TEX35: variants seen among roughly 807,000 people sequenced by gnomAD.
The protein encoded by TEX35 is testis-expressed protein 35.
Under a neutral mutation model 31.9 loss-of-function variants are expected in TEX35, and 26 were observed. The ratio of observed to expected loss-of-function variants is 0.81; its 90% CI spans 0.60 to 1.13. TEX35 has a LOEUF of 1.13. TEX35 is among the 50% of genes most tolerant of loss of function. The pLI is 0.00. For missense variants in TEX35, 278 were observed against 273.5 expected (o/e 1.02, Z -0.12); for synonymous variants, 87 against 90.7 (o/e 0.96, Z 0.23).
At chr1:178,519,629 C>T (rs1650196337) in intron 5 of TEX35, among the ~76,000 whole-genome samples, 1 of 152,140 alleles carries the variant, frequency 6.6e-6, no homozygotes, top group Admixed American at 6.5e-5. Flanking sequence ...TTCTATAGTA[C>T]ATCAATTAAA....
Position 178,514,725 on chromosome 1 carries a change from A to C in TEX35, c.116A>C (p.Gln39Pro). Residue 39 changes from glutamine to proline, a missense_variant, in exon 3 of 9, where the codon CAA (glutamine) becomes CCA (proline). Physicochemically the swap from Gln to Pro is moderately conservative, Grantham distance 76. Coordinates refer to ENST00000319416, the MANE Select transcript of TEX35 (RefSeq NM_032126.5). ...ACATTTGATTACAAAGCAGTTAAAC[A>C]AGAAGGGCGGTTTACCAAAGCAGGA... Reference protein sequence around the residue: ...TKTFDYKAVKQEGRFTKAGVT... With the variant: ...TKTFDYKAVKPEGRFTKAGVT... The C allele has an allele frequency of 6.2e-7, 1 of 1,614,020 alleles. No homozygotes were observed. The highest frequency in any genetic ancestry group is 8.5e-7 in the Non-Finnish European group (1 of 1,179,956).
intron 8 of TEX35, 175 bp downstream of exon 8, chr1:178,521,439 A>T: frequency 9.8e-7 from 1 of 1,020,128 alleles, no homozygotes; most frequent in Non-Finnish European, 1.5e-6. Flanking sequence ...TGGCACCAGG[A>T]AGGAGGACTT....
intron 5 of TEX35, among the ~76,000 whole-genome samples, chr1:178,517,439 G>A (rs897598147): frequency 6.6e-6 from 1 of 152,202 alleles, no homozygotes; most frequent in Non-Finnish European, 1.5e-5. Flanking sequence ...TTTAGATTCA[G>A]ATGCTTGCCT....
At chr1:178,521,626 T>C in intron 8 of TEX35, 3 of 1,552,332 alleles carry the variant, frequency 1.9e-6, no homozygotes, top group Non-Finnish European at 2.6e-6. Context: ...TTCTGATTTA[T>C]CTGTACCTCA....
In TEX35 at chr1:178,519,421, A is replaced by G. The variant is rs1213244275; in HGVS notation, c.277-951A>G. Among the ~76,000 whole-genome samples, 7 of 152,318 alleles carry G rather than the reference A, an allele frequency of 4.6e-5. No homozygotes were observed. In the East Asian group the frequency reaches 1.4e-3, roughly 29 times the overall value. Reference sequence around the variant, plus strand: ...TGGAACATGATGATTTTGAAGGGGTACATGTTGGTGAAACGTGTAAGAATA... The same window carrying G: ...TGGAACATGATGATTTTGAAGGGGTGCATGTTGGTGAAACGTGTAAGAATA... On this transcript the variant is annotated intron_variant, in intron 5 of 8. Coordinates refer to ENST00000319416, the MANE Select transcript of TEX35 (RefSeq NM_032126.5).
At position 178,520,418 on chromosome 1, in the gene TEX35, C is replaced by T. The variant is rs758448375; in HGVS notation, c.323C>T (p.Thr108Ile). Residue 108 changes from threonine to isoleucine, a missense_variant, in exon 6 of 9, where the codon ACA (threonine) becomes ATA (isoleucine). Physicochemically the swap from Thr to Ile is moderately conservative, Grantham distance 89. Coordinates refer to ENST00000319416, the MANE Select transcript of TEX35 (RefSeq NM_032126.5). Reference protein sequence around the residue: ...MDEKMDILINTQKNYKLPLRR... With the variant: ...MDEKMDILINIQKNYKLPLRR... Reference sequence around the variant, plus strand: ...GAGAAGATGGACATTTTAATAAATACACAGAAGAACTATAAGCTGTAAGTG... The same window carrying T: ...GAGAAGATGGACATTTTAATAAATATACAGAAGAACTATAAGCTGTAAGTG... 6.2e-6 allele frequency: 10 copies of T among 1,614,038 alleles called. No individual in the cohort carries two copies. The highest frequency in any genetic ancestry group is 8.5e-6 in the Non-Finnish European group (10 of 1,179,986).
chr1:178,514,258 A>C, intron 2 of TEX35, 181 bp downstream of exon 2: 1 of 1,513,826 alleles, frequency 6.6e-7, no homozygotes, highest in Middle Eastern at 1.7e-4. Flanking sequence ...ACATAAACGA[A>C]CAAGGACTCA....
At chr1:178,521,182 G>A in intron 7 of TEX35, 40 bp from the exon 8 acceptor site, 1 of 1,614,142 alleles carries the variant, frequency 6.2e-7, no homozygotes, top group Non-Finnish European at 8.5e-7. Flanking sequence ...CTTGGACCAG[G>A]GGAAATTGAT....
chr1:178,513,112 C>T lies in TEX35; in HGVS notation c.-77C>T. 8 of 1,506,064 alleles carry T rather than the reference C, an allele frequency of 5.3e-6. No homozygotes were observed. Among genetic ancestry groups the T allele is most frequent in the Non-Finnish European group, 7.4e-6 (8 of 1,083,204 alleles). The allele number at this position is 1,506,064 out of a possible 1,614,324, so 93.3% of individuals were successfully genotyped here. On this transcript the variant is annotated 5_prime_UTR_variant, in exon 1 of 9. Transcript: ENST00000319416. ...GTGGTCACCCTGCCCTCACCTTGAC[C>T]TGTAAGTTGCCTAGGACAGTGGCCT...
intron 1 of TEX35, 57 bp from the exon 2 acceptor site, chr1:178,513,970 T>C: frequency 1.9e-6 from 3 of 1,593,990 alleles, no homozygotes; most frequent in Non-Finnish European, 2.6e-6. Context: ...GGGCCAGATG[T>C]TCTCCTCCCC....
At chr1:178,513,398 T>G in intron 1 of TEX35, 171 bp downstream of exon 1, 1 of 905,432 alleles carries the variant, frequency 1.1e-6, no homozygotes, top group Non-Finnish European at 1.7e-6. Flanking sequence ...GATTAATCCC[T>G]AGCCTTGGGG....
At chr1:178,519,293 G>A (rs547521598) in intron 5 of TEX35, among the ~76,000 whole-genome samples, 13 of 152,294 alleles carry the variant, frequency 8.5e-5, no homozygotes, top group South Asian at 6.2e-4. Flanking sequence ...AGAGGCAAGC[G>A]TCCGTGATGA....
intron 1 of TEX35, 100 bp downstream of exon 1, chr1:178,513,327 C>A: frequency 6.8e-7 from 1 of 1,464,320 alleles, no homozygotes; most frequent in Non-Finnish European, 9.4e-7. Flanking sequence ...TCGCATGAAT[C>A]TCTGGTTTTT....
chr1:178,519,142 G>T (rs555326089), intron 5 of TEX35, among the ~76,000 whole-genome samples: 1 of 152,270 alleles, frequency 6.6e-6, no homozygotes, highest in African/African-American at 2.4e-5. Context: ...GGGGCCCAGG[G>T]AGCAGGTGGA....
rs753233773 is a variant in TEX35, at chr1:178,516,660, G to C, written c.262G>C (p.Val88Leu). The change falls in exon 5 of 9, where the codon GTG (valine) becomes CTG (leucine). Residue 88 changes from valine (V) to leucine (L), a missense_variant. By Grantham distance (32) the Val-to-Leu change is conservative (BLOSUM62 1). Transcript: ENST00000319416. ...GGATTTTGATAAACTTCACGAATTTGTGGAAATTATGAAGGTAAGCATTAC... is the reference window on the plus strand; with the variant it reads ...GGATTTTGATAAACTTCACGAATTTCTGGAAATTATGAAGGTAAGCATTAC... ...DKDFDKLHEF[V>L]EIMKEMQKDM... 3 of 1,612,226 alleles carry C rather than the reference G, an allele frequency of 1.9e-6. No homozygotes were observed. In the Admixed American group the frequency reaches 5.0e-5, roughly 27 times the overall value.
chr1:178,521,304 G>T (rs367935438), intron 8 of TEX35, 40 bp downstream of exon 8: 10 of 1,611,270 alleles, frequency 6.2e-6, no homozygotes, highest in South Asian at 1.1e-5. Context: ...TCTCGATCAG[G>T]TGCCTTGTTG....
chr1:178,521,495 G>A (rs1354826209), intron 8 of TEX35: 3 of 1,081,060 alleles, frequency 2.8e-6, no homozygotes, highest in Admixed American at 2.0e-5. Flanking sequence ...CCATGGTGGG[G>A]AGGGTGCACC....
chr1:178,522,351 C>A lies in TEX35; in HGVS notation c.613C>A (p.Leu205Ile), dbSNP rs1650317712. The change falls in exon 9 of 9, where the codon CTT (leucine) becomes ATT (isoleucine). Residue 205 changes from leucine (L) to isoleucine (I), a missense_variant. Leu to Ile is a conservative substitution (Grantham distance 5, BLOSUM62 2). Transcript: ENST00000319416. ...RGNIPSEASG[L>I]YKGGEEPVTT... ...GAACATTCCTTCAGAGGCCTCAGGC[C>A]TTTACAAAGGTGGAGAGGAGCCAGT... 1 of 1,604,284 alleles carries A rather than the reference C, an allele frequency of 6.2e-7. No homozygotes were observed.
At position 178,521,043 on chromosome 1, in the gene TEX35, G is replaced by C. The variant is rs1214467194; in HGVS notation, c.543+169G>C. 5.5e-5 allele frequency: 85 copies of C among 1,546,108 alleles called. No individual in the cohort carries two copies. The Admixed American group carries it at 1.2e-3, about 21-fold the overall frequency. ...CCTCCCTGACCTGCCTTGCCTTCTA[G>C]GCCTGTGGAGCCTCCTTAGCTGTGA... On this transcript the variant is annotated intron_variant, in intron 7 of 8. Transcript: ENST00000319416.
Sources: allele counts gnomAD v4.1 joint callset (sites outside exome capture counted in the v4.1 genomes callset), GRCh38; gene constraint gnomAD v4.1.1; transcripts MANE v1.5; gene names NCBI Gene and HGNC (gene_info 2026-07-23, HGNC 2026-07-21).